Variants in TEF observed in about 807,000 individuals in gnomAD.
TEF encodes the protein TEF transcription factor, PAR bZIP family member, also known as thyrotroph embryonic factor.
Under a neutral mutation model 20.8 loss-of-function variants are expected in TEF, and 3 were observed. That is an observed-to-expected ratio of 0.14 (90% CI 0.07 to 0.37). The LOEUF is 0.37. Ranked by LOEUF, TEF falls within the 10% of genes least tolerant of loss-of-function variation. TEF has a pLI of 1.00. For synonymous variants in TEF, 180 were observed against 171.1 expected (o/e 1.05, Z -0.41); for missense variants, 296 against 397.9 (o/e 0.74, Z 2.18).
chr22:41,396,322 C>G lies in TEF; in HGVS notation c.*362C>G. ...TCCCTCAGTCTCCAGCCTGGGCTGC[C>G]GAGGGCTATCTCTGCAGAATGAGTT... On this transcript the variant is annotated 3_prime_UTR_variant, in exon 4 of 4. Coordinates refer to ENST00000266304, the MANE Select transcript of TEF (RefSeq NM_003216.4). 4.4e-6 allele frequency: 1 copy of G among 224,782 alleles called. No individual in the cohort carries two copies. Among genetic ancestry groups the G allele is most frequent in the Non-Finnish European group, 8.9e-6 (1 of 112,400 alleles). 13.9% of individuals were successfully genotyped at this position (224,782 alleles called of 1,614,324 possible).
upstream of TEF, among the ~76,000 whole-genome samples, chr22:41,378,119 C>G (rs1246223466): frequency 1.3e-5 from 2 of 151,206 alleles, no homozygotes; most frequent in Non-Finnish European, 2.9e-5. Context: ...CATCAAGTCT[C>G]CTCATGGCCA....
chr22:41,371,118 C>T (rs2036877843), intron 1 of TEF, among the ~76,000 whole-genome samples: 1 of 152,262 alleles, frequency 6.6e-6, no homozygotes, highest in Admixed American at 6.5e-5. Flanking sequence ...AGACTGCTCA[C>T]TCCAGCTCTT....
chr22:41,381,029 G>A (rs1342842508), upstream of TEF, among the ~76,000 whole-genome samples: 1 of 152,242 alleles, frequency 6.6e-6, no homozygotes, highest in Non-Finnish European at 1.5e-5. Flanking sequence ...AAGTGGGAGG[G>A]CGGAAACATG....
At chr22:41,381,526 C>G (rs903427694), upstream of TEF, among the ~76,000 whole-genome samples, 19 of 152,200 alleles carry the variant, frequency 1.2e-4, no homozygotes, top group Non-Finnish European at 2.5e-4. Context: ...AGCTCCGCCC[C>G]TCTTCGGTGG....
chr22:41,380,222 G>A (rs1297972969), upstream of TEF, among the ~76,000 whole-genome samples: 1 of 152,112 alleles, frequency 6.6e-6, no homozygotes, highest in Non-Finnish European at 1.5e-5. Context: ...CGCGATCTCG[G>A]CTCCCTGAAA....
intron 2 of TEF, among the ~76,000 whole-genome samples, chr22:41,391,481 A>C (rs1156983750): frequency 1.3e-5 from 2 of 151,618 alleles, no homozygotes; most frequent in African/African-American, 4.9e-5. Context: ...ACGGCCGGCT[A>C]CTTTTTGTAT....
At chr22:41,387,281 C>A in intron 1 of TEF, 70 bp from the exon 2 acceptor site, 1 of 1,541,282 alleles carries the variant, frequency 6.5e-7, no homozygotes, top group Non-Finnish European at 8.9e-7. Flanking sequence ...GCCTGTGAGG[C>A]TCACTGCCCA....
upstream of TEF, chr22:41,381,798 T>A (rs993004911): frequency 6.9e-6 from 7 of 1,016,484 alleles, no homozygotes; most frequent in African/African-American, 1.0e-4. Flanking sequence ...CCCGAGGATC[T>A]GCGCCTGCCC....
At chr22:41,379,619 CT>C (rs1261038766), upstream of TEF, among the ~76,000 whole-genome samples, 1 of 152,138 alleles carries the variant, frequency 6.6e-6, no homozygotes. Context: ...AATCCCAGCA[CT>C]TTGGGATGCC....
intron 1 of TEF, chr22:41,369,262 C>T: frequency 1.0e-6 from 1 of 985,342 alleles, no homozygotes; most frequent in East Asian, 1.1e-4. Context: ...AAGTCCCCCT[C>T]CCTCACTGTG....
rs2037105301 is a variant in TEF at position 41,386,975 on chromosome 22, T to C, written c.158-376T>C. Among the ~76,000 whole-genome samples, 2 of 151,776 alleles carry C rather than the reference T, an allele frequency of 1.3e-5. 1 individual carries two copies. The highest frequency in any genetic ancestry group is 3.9e-4 in the East Asian group (2 of 5,178). ...ACAAGAATCGCTTGAACCCAGGAGG[T>C]GGAGGTTGCAGCGAGCCGAAATTGG... On this transcript the variant is annotated intron_variant, in intron 1 of 3. Coordinates refer to ENST00000266304, the MANE Select transcript of TEF (RefSeq NM_003216.4).
rs1322224979 is a variant in TEF, at chr22:41,398,218, C to T, written c.*2258C>T. On this transcript the variant is annotated 3_prime_UTR_variant, in exon 4 of 4. Transcript: ENST00000266304. ...AAGTGCTCAGGTAAGGTTGTCTCCTCTCCTGTCCTAAAAAAATCCATGCTT... is the reference window on the plus strand; with the variant it reads ...AAGTGCTCAGGTAAGGTTGTCTCCTTTCCTGTCCTAAAAAAATCCATGCTT... 1.3e-5 allele frequency: 2 copies of T among 153,356 alleles called. No homozygotes were observed. The highest frequency in any genetic ancestry group is 4.8e-5 in the African/African-American group (2 of 41,402). The allele number at this position is 153,356 out of a possible 1,614,324, so 9.5% of individuals were successfully genotyped here. A position where few individuals can be genotyped will look rare whatever the true frequency, so the allele number is the denominator to read the frequency against.
At chr22:41,377,725 C>T (rs1365377727), upstream of TEF, among the ~76,000 whole-genome samples, 2 of 152,328 alleles carry the variant, frequency 1.3e-5, no homozygotes, top group Non-Finnish European at 2.9e-5. Context: ...GTGTTTGCAA[C>T]GCTCCTGCAG....
chr22:41,377,975 C>T (rs2036964605), upstream of TEF, among the ~76,000 whole-genome samples: 1 of 152,124 alleles, frequency 6.6e-6, no homozygotes. Context: ...TTACTACATC[C>T]CATCTTTCTC....
intron 1 of TEF, among the ~76,000 whole-genome samples, chr22:41,368,368 T>G (rs1365824262): frequency 6.6e-6 from 1 of 152,158 alleles, no homozygotes; most frequent in Non-Finnish European, 1.5e-5. Context: ...TTTTGCTGCC[T>G]GAGTCTGACT....
At chr22:41,395,463 C>G (rs1304592916) in intron 3 of TEF, among the ~76,000 whole-genome samples, 1 of 152,280 alleles carries the variant, frequency 6.6e-6, no homozygotes, top group East Asian at 1.9e-4. Context: ...AGGGTGTGGA[C>G]AGTGCAATGC....
intron 1 of TEF, 139 bp downstream of exon 1, chr22:41,382,340 G>A (rs995796828): frequency 1.0e-5 from 8 of 793,680 alleles, no homozygotes; most frequent in Non-Finnish European, 1.4e-5. Flanking sequence ...ATGACCAGGA[G>A]CCTGGAGGAC....
At chr22:41,383,198 C>T (rs1025497429) in intron 1 of TEF, among the ~76,000 whole-genome samples, 1 of 152,120 alleles carries the variant, frequency 6.6e-6, no homozygotes, top group African/African-American at 2.4e-5. Flanking sequence ...AATGCCATTT[C>T]TCTTCCTTTC....
exon 1 of TEF, chr22:41,367,573 C>T: frequency 6.4e-7 from 1 of 1,551,446 alleles, no homozygotes; most frequent in Non-Finnish European, 8.7e-7. Context: ...CTGGAGCACT[C>T]TCTGCCTTGG....
Sources: allele counts gnomAD v4.1 joint callset (sites outside exome capture counted in the v4.1 genomes callset), GRCh38; gene constraint gnomAD v4.1.1; transcripts MANE v1.5; gene names NCBI Gene and HGNC (gene_info 2026-07-23, HGNC 2026-07-21).